The following PHKB variants were observed in gnomAD, a reference collection of about 807,000 sequenced individuals.
PHKB encodes phosphorylase b kinase regulatory subunit beta.
A neutral mutation model predicts 152.1 loss-of-function variants in PHKB; 122 were observed. The ratio of observed to expected loss-of-function variants is 0.80; its 90% confidence interval spans 0.69 to 0.93. The LOEUF (loss-of-function observed/expected upper bound fraction) is 0.93. PHKB is among the 40% of genes least tolerant of loss of function. PHKB has a pLI of 0.00. For missense variants in PHKB, 1,304 were observed against 1,328.4 expected (o/e 0.98, Z 0.29); for synonymous variants, 436 against 464.9 (o/e 0.94, Z 0.80).
rs777123350 is a variant in PHKB, at chr16:47,610,877, C to T, written c.1415C>T (p.Pro472Leu). The part of the protein sequence containing the change: ...KDIDPVQRYV[P>L]LKDQRNVSMR... ...ATTGATCCTGTCCAGCGCTATGTCC[C>T]ACTAAAGGATCAACGTAACGTGAGC... is the stretch of plus-strand genomic sequence containing the variant. The change falls in exon 14 of 31, where the codon CCA becomes CTA. Residue 472 changes from proline (P) to leucine (L), a missense_variant. Physicochemically the swap from Pro to Leu is moderately conservative, Grantham distance 98. Transcript: ENST00000323584. The T allele has an allele frequency of 5.0e-6, 8 of 1,608,406 alleles. No homozygotes were observed. The South Asian group carries it at 8.8e-5, about 18-fold the overall frequency.
chr16:47,514,001 G>T (rs1970553576), intron 5 of PHKB, among the ~76,000 whole-genome samples: 1 of 152,118 alleles, frequency 6.6e-6, no homozygotes. Context: ...GTTGCAAAAA[G>T]AAACTTTGTA....
chr16:47,661,721 TTGCAGTTG>T lies in PHKB; in HGVS notation c.2201_2208del (p.Cys734SerfsTer3). 1 of 1,608,848 alleles carries T rather than the reference TTGCAGTTG, an allele frequency of 6.2e-7. No individual in the cohort carries two copies. The highest frequency in any genetic ancestry group is 1.1e-5 in the South Asian group (1 of 91,006). Reference sequence around the variant, plus strand: ...CTCACCGTGATTTATATTTTCAGGATTGCAGTTGTCTGGCTAGCCAAGCCATCCTGCTG... The same window carrying T: ...CTCACCGTGATTTATATTTTCAGGATTCTGGCTAGCCAAGCCATCCTGCTG... On this transcript the variant is annotated frameshift_variant, in exon 23 of 31. Transcript: ENST00000323584. LOFTEE classifies it high-confidence loss of function.
chr16:47,522,970 TTTTTTTTTTTTAG>T (rs1048050871), intron 6 of PHKB, among the ~76,000 whole-genome samples: 2 of 151,372 alleles, frequency 1.3e-5, no homozygotes, highest in African/African-American at 4.8e-5. Flanking sequence ...AATTTTTTTT[TTTTTTTTTTTTAG>T]TAATTTCTGT....
chr16:47,694,433 G>T (rs1226451424), intron 28 of PHKB, among the ~76,000 whole-genome samples: 3 of 152,164 alleles, frequency 2.0e-5, no homozygotes, highest in Admixed American at 1.3e-4. Flanking sequence ...ACCTAAGAGT[G>T]TCTCTGTAAG....
At chr16:47,682,666 A>G (rs1018188448) in intron 26 of PHKB, among the ~76,000 whole-genome samples, 5 of 152,144 alleles carry the variant, frequency 3.3e-5, no homozygotes, top group Admixed American at 1.3e-4. Context: ...CCATTCGTCT[A>G]ATCTTTTTTC....
chr16:47,506,623 A>C (rs1021321206), intron 4 of PHKB, among the ~76,000 whole-genome samples: 12 of 152,214 alleles, frequency 7.9e-5, no homozygotes, highest in Non-Finnish European at 1.6e-4. Flanking sequence ...ACACATTGTG[A>C]AAATCAAAAT....
intron 14 of PHKB, among the ~76,000 whole-genome samples, chr16:47,621,237 A>G (rs1230959416): frequency 6.6e-6 from 1 of 152,184 alleles, no homozygotes; most frequent in Non-Finnish European, 1.5e-5. Context: ...TTAGTGGAGT[A>G]GTGTGCCCAG....
chr16:47,565,255 G>T (rs1268482379), intron 7 of PHKB: 1 of 704,876 alleles, frequency 1.4e-6, no homozygotes, highest in East Asian at 2.8e-5. Flanking sequence ...CCGTTCAGTG[G>T]TCTTTGTTCC....
chr16:47,687,689 C>T (rs1426472232), intron 26 of PHKB, among the ~76,000 whole-genome samples: 1 of 152,198 alleles, frequency 6.6e-6, no homozygotes, highest in Non-Finnish European at 1.5e-5. Flanking sequence ...GTGTAACTCT[C>T]ATGCCCTTAT....
intron 14 of PHKB, among the ~76,000 whole-genome samples, chr16:47,614,174 G>A (rs1010581303): frequency 1.3e-5 from 2 of 152,062 alleles, no homozygotes; most frequent in Middle Eastern, 3.4e-3. Flanking sequence ...TGAGGGGGAG[G>A]GCCTACACAT....
chr16:47,490,411 AC>A (rs1970128265), intron 1 of PHKB, among the ~76,000 whole-genome samples: 1 of 152,216 alleles, frequency 6.6e-6, no homozygotes, highest in African/African-American at 2.4e-5. Context: ...GCTAACATAT[AC>A]TTAGACATTA....
At chr16:47,618,105 T>TCC (rs1232398980) in intron 14 of PHKB, among the ~76,000 whole-genome samples, 1 of 152,252 alleles carries the variant, frequency 6.6e-6, no homozygotes, top group Non-Finnish European at 1.5e-5. Context: ...GTGAGTCAGC[T>TCC]CCCATACCTG....
rs1972415048 is a variant in PHKB at position 47,610,875 on chromosome 16, C to T, written c.1413C>T (p.Val471=). 1 of 1,608,218 alleles carries T rather than the reference C, an allele frequency of 6.2e-7. No individual in the cohort carries two copies. Among genetic ancestry groups the T allele is most frequent in the Non-Finnish European group, 8.5e-7 (1 of 1,174,708 alleles). Residue 471 remains valine, a synonymous_variant, in exon 14 of 31, where the codon GTC becomes GTT. Transcript: ENST00000323584. The part of the protein sequence containing the change: ...PKDIDPVQRY[V]PLKDQRNVSM... Reference sequence around the variant, plus strand: ...ACATTGATCCTGTCCAGCGCTATGTCCCACTAAAGGATCAACGTAACGTGA... The same window carrying T: ...ACATTGATCCTGTCCAGCGCTATGTTCCACTAAAGGATCAACGTAACGTGA...
intron 6 of PHKB, among the ~76,000 whole-genome samples, chr16:47,527,634 C>G (rs1408414223): frequency 6.6e-6 from 1 of 152,066 alleles, no homozygotes; most frequent in Non-Finnish European, 1.5e-5. Flanking sequence ...GAATTATGTC[C>G]CGTCAAAATT....
At chr16:47,543,636 T>C (rs1470305413) in intron 6 of PHKB, among the ~76,000 whole-genome samples, 1 of 152,098 alleles carries the variant, frequency 6.6e-6, no homozygotes, top group Non-Finnish European at 1.5e-5. Flanking sequence ...GTCCTGGACT[T>C]TTTTTGGTTG....
chr16:47,504,912 C>A (rs536042435), intron 4 of PHKB, among the ~76,000 whole-genome samples: 4 of 152,198 alleles, frequency 2.6e-5, no homozygotes, highest in African/African-American at 9.6e-5. Flanking sequence ...CACCAGGGCA[C>A]GTGTTAGGAC....
intron 14 of PHKB, among the ~76,000 whole-genome samples, chr16:47,626,615 G>A (rs1349857553): frequency 1.3e-5 from 2 of 152,288 alleles, no homozygotes; most frequent in African/African-American, 2.4e-5. Flanking sequence ...CTGACTTAGC[G>A]AAGAGAACTC....
chr16:47,496,665 G>A (rs1294187812), intron 1 of PHKB, among the ~76,000 whole-genome samples: 2 of 152,202 alleles, frequency 1.3e-5, no homozygotes, highest in East Asian at 1.9e-4. Flanking sequence ...TCAGATGTCT[G>A]TCTTTCAGTT....
chr16:47,538,904 T>C (rs1339541376), intron 6 of PHKB, among the ~76,000 whole-genome samples: 1 of 152,192 alleles, frequency 6.6e-6, no homozygotes. Flanking sequence ...ATATACATTA[T>C]ATTAATTATG....
Sources: allele counts gnomAD v4.1 joint callset (sites outside exome capture counted in the v4.1 genomes callset), GRCh38; gene constraint gnomAD v4.1.1; transcripts MANE v1.5; gene names NCBI Gene and HGNC (gene_info 2026-07-23, HGNC 2026-07-21).